The following PDE11A variants were observed in gnomAD, a reference collection of about 807,000 sequenced individuals.
PDE11A encodes dual 3',5'-cyclic-AMP and -GMP phosphodiesterase 11A.
PDE11A carries 100 observed loss-of-function variants against 100.5 expected under a neutral mutation model. The observed-to-expected ratio is 1.00, with a 90% CI of 0.85 to 1.18. PDE11A has a LOEUF of 1.18. Ranked by LOEUF, PDE11A falls within the 50% of genes most tolerant of loss-of-function variation. PDE11A has a pLI of 0.00. For synonymous variants in PDE11A, 381 were observed against 420.8 expected, an observed-to-expected ratio of 0.91 and a Z score of 1.16; for missense variants, 1,141 against 1,152.6, an observed-to-expected ratio of 0.99 and a Z score of 0.15.
chr2:177,857,251 T>C (rs1347498868), intron 5 of PDE11A, among the ~76,000 whole-genome samples: 1 of 151,742 alleles, frequency 6.6e-6, no homozygotes, highest in Admixed American at 6.6e-5. Flanking sequence ...AAACAAAAAC[T>C]GAGAAAATTT....
chr2:177,817,475 G>A (rs1340151374), intron 8 of PDE11A, among the ~76,000 whole-genome samples: 1 of 152,188 alleles, frequency 6.6e-6, no homozygotes, highest in Non-Finnish European at 1.5e-5. Flanking sequence ...TCCAGCTAGA[G>A]CGCCTGGAGT....
rs772644062 is a variant in PDE11A, at chr2:177,875,400, C to CAG, written c.1367+457_1367+458dup. Among the ~76,000 whole-genome samples, 69 of 151,686 alleles carry CAG rather than the reference C, an allele frequency of 4.5e-4. No homozygotes were observed. The East Asian group carries it at 8.0e-3, about 18-fold the overall frequency. ...TTATTTTTATTTTATTTTTTTGAGGCAGAGTCTCGCTCTGTCACCCAGGCT... is the reference window on the plus strand; with the variant it reads ...TTATTTTTATTTTATTTTTTTGAGGCAGAGAGTCTCGCTCTGTCACCCAGGCT... On this transcript the variant is annotated intron_variant, in intron 5 of 19. Coordinates refer to ENST00000286063, the MANE Select transcript of PDE11A (RefSeq NM_016953.4).
At position 178,072,342 on chromosome 2, in the gene PDE11A, C is replaced by A. The variant is rs201781409; in HGVS notation, c.96G>T (p.Gln32His). Residue 32 changes from glutamine to histidine, a missense_variant, in exon 1 of 20, where the codon CAG (glutamine) becomes CAT (histidine). Coordinates refer to ENST00000286063, the MANE Select transcript of PDE11A (RefSeq NM_016953.4). ...TCTGCAGCCACTTTTCAACCATCTC[C>A]TGCTTCCCCTTCCGCATCAAGTAAT... ...FEDYLMRKGK[Q>H]EMVEKWLQRH... The A allele has an allele frequency of 1.9e-4, 306 of 1,614,070 alleles. No homozygotes were observed. Among genetic ancestry groups the A allele is most frequent in the Non-Finnish European group, 2.4e-4 (279 of 1,180,056 alleles).
intron 1 of PDE11A, among the ~76,000 whole-genome samples, chr2:178,052,617 C>A (rs1469426423): frequency 1.3e-5 from 2 of 152,006 alleles, no homozygotes; most frequent in East Asian, 1.9e-4. Flanking sequence ...AGACTGCTAG[C>A]AAGACTAATA....
intron 1 of PDE11A, among the ~76,000 whole-genome samples, chr2:178,061,329 G>C (rs183250208): frequency 1.3e-5 from 2 of 152,192 alleles, no homozygotes; most frequent in Non-Finnish European, 2.9e-5. Flanking sequence ...CTAGTGGAGA[G>C]AGGCAAGGGA....
Position 178,072,513 on chromosome 2 carries a change from G to T in PDE11A, c.-76C>A. On this transcript the variant is annotated 5_prime_UTR_variant, in exon 1 of 20. The change creates a premature stop within an existing upstream ORF in the 5' untranslated region. Coordinates refer to ENST00000286063, the MANE Select transcript of PDE11A (RefSeq NM_016953.4). ...TGCCCCGAGGCCTCTAGCTGTTCCT[G>T]CACATGTTCACCCCCACCAGTATTC... 1 of 1,590,148 alleles carries T rather than the reference G, an allele frequency of 6.3e-7. No individual in the cohort carries two copies. The highest frequency in any genetic ancestry group is 1.1e-5 in the South Asian group (1 of 88,980).
rs2105497304 is a variant in PDE11A at position 177,766,321 on chromosome 2, C to A, written c.1788+3002G>T. Among the ~76,000 whole-genome samples the A allele has an allele frequency of 1.3e-5, 2 of 152,288 alleles. 1 individual carries two copies. The highest frequency in any genetic ancestry group is 6.8e-3 in the Middle Eastern group (2 of 294). ...TGCTGATCTGACAGGAGGCGGAGCT[C>A]AGGTGGTAATATTTGCACGCCTGCT... On this transcript the variant is annotated intron_variant, in intron 10 of 19. Transcript: ENST00000286063.
intron 6 of PDE11A, among the ~76,000 whole-genome samples, chr2:177,821,937 T>TGTC (rs1007545321): frequency 1.3e-4 from 19 of 151,894 alleles, no homozygotes; most frequent in African/African-American, 4.3e-4. Context: ...CCTGTTGGGT[T>TGTC]GTCTGATTTT....
chr2:178,028,690 T>C (rs2086508531), intron 1 of PDE11A, among the ~76,000 whole-genome samples: 1 of 152,224 alleles, frequency 6.6e-6, no homozygotes, highest in East Asian at 1.9e-4. Context: ...CAGTGTTTGT[T>C]TTATGAACTA....
chr2:178,052,571 A>T (rs1326209887), intron 1 of PDE11A, among the ~76,000 whole-genome samples: 1 of 151,946 alleles, frequency 6.6e-6, no homozygotes, highest in African/African-American at 2.4e-5. Flanking sequence ...CAATGAATCC[A>T]GGAGCTGGTT....
intron 10 of PDE11A, among the ~76,000 whole-genome samples, chr2:177,737,450 A>ACACACACACACACACACACACACAG (rs2081806125): frequency 2.1e-5 from 1 of 48,528 alleles, no homozygotes; most frequent in African/African-American, 4.4e-5. Context: ...CACACACACA[A>ACACACACACACACACACACACACAG]ATTAGCCAGG....
chr2:177,790,029 G>T (rs1335996374), intron 9 of PDE11A, among the ~76,000 whole-genome samples: 1 of 151,798 alleles, frequency 6.6e-6, no homozygotes, highest in Non-Finnish European at 1.5e-5. Flanking sequence ...CACAGAATTG[G>T]AAAAAACTAC....
intron 6 of PDE11A, among the ~76,000 whole-genome samples, chr2:177,822,501 G>A (rs2083156453): frequency 6.6e-6 from 1 of 151,982 alleles, no homozygotes; most frequent in South Asian, 2.1e-4. Context: ...ACAGTTGTAT[G>A]ATAAGGCTCA....
intron 1 of PDE11A, among the ~76,000 whole-genome samples, chr2:178,030,812 A>C (rs893899313): frequency 6.6e-6 from 1 of 152,204 alleles, no homozygotes; most frequent in African/African-American, 2.4e-5. Context: ...CAGGAGGTTG[A>C]GGCTGCAGTG....
intron 2 of PDE11A, among the ~76,000 whole-genome samples, chr2:177,988,881 G>A (rs1365841173): frequency 3.9e-5 from 6 of 152,150 alleles, no homozygotes; most frequent in Admixed American, 3.9e-4. Context: ...ACCTTTGTGA[G>A]GTCTTCTGTA....
intron 9 of PDE11A, among the ~76,000 whole-genome samples, chr2:177,783,528 C>T (rs2105521335): frequency 1.3e-5 from 2 of 152,294 alleles, no homozygotes; most frequent in South Asian, 4.1e-4. Context: ...AAAATTACTA[C>T]TACCTTTTTT....
At chr2:178,063,032 C>T (rs2105866935) in intron 1 of PDE11A, among the ~76,000 whole-genome samples, 1 of 152,194 alleles carries the variant, frequency 6.6e-6, no homozygotes, top group Non-Finnish European at 1.5e-5. Context: ...GAGCCAAATA[C>T]CATCATTTTT....
intron 10 of PDE11A, 87 bp from the exon 11 acceptor site, chr2:177,728,259 G>T: frequency 1.7e-6 from 2 of 1,189,028 alleles, no homozygotes; most frequent in Non-Finnish European, 2.5e-6. Context: ...TATCAGAAGT[G>T]CCACATAAAT....
chr2:178,067,352 C>T (rs1210611248), intron 1 of PDE11A, among the ~76,000 whole-genome samples: 2 of 152,168 alleles, frequency 1.3e-5, no homozygotes, highest in Non-Finnish European at 2.9e-5. Flanking sequence ...AACTCTTTAG[C>T]TAGGTGTTCA....
Sources: gnomAD v4.1 joint callset for allele counts (sites outside exome capture counted in the v4.1 genomes callset) on GRCh38, gnomAD v4.1.1 for gene constraint, MANE v1.5 for transcripts, NCBI Gene and HGNC (gene_info 2026-07-23, HGNC 2026-07-21) for gene names.